ZNF578: variants seen among roughly 807,000 people sequenced by gnomAD.
ZNF578 encodes the protein zinc finger protein 578.
A neutral mutation model predicts 8.3 loss-of-function variants in ZNF578; 8 were observed. That is an observed-to-expected ratio of 0.96 (90% confidence interval 0.56 to 1.74). The LOEUF is 1.74. Ranked by LOEUF, ZNF578 falls within the 40% of genes most tolerant of loss-of-function variation. The pLI, the probability that ZNF578 is intolerant of heterozygous loss-of-function variation, is 0.00. For missense variants in ZNF578, 726 were observed against 707.5 expected, an observed-to-expected ratio of 1.03 and a Z score of -0.30; for synonymous variants, 206 against 232.2, an observed-to-expected ratio of 0.89 and a Z score of 1.03.
rs1167099446 is a variant in ZNF578 at position 52,515,139 on chromosome 19, A to G, written c.*2985A>G. Reference sequence around the variant, plus strand: ...CCACCACTCCCGGCTCATTTTTTGCATTTTTAGTAGAGACAGGGTTTCATC... The same window carrying G: ...CCACCACTCCCGGCTCATTTTTTGCGTTTTTAGTAGAGACAGGGTTTCATC... On this transcript the variant is annotated 3_prime_UTR_variant, in exon 6 of 6. Coordinates refer to ENST00000421239, the MANE Select transcript of ZNF578 (RefSeq NM_001099694.2). 1.3e-5 allele frequency among the ~76,000 whole-genome samples: 2 copies of G among 151,284 alleles called. No homozygotes were observed. Among genetic ancestry groups the G allele is most frequent in the East Asian group, 3.9e-4 (2 of 5,118 alleles).
chr19:52,491,203 C>G (rs1433252992), intron 2 of ZNF578, 121 bp from the exon 3 acceptor site: 3 of 153,536 alleles, frequency 2.0e-5, no homozygotes, highest in African/African-American at 7.4e-5. Context: ...TATTCCTAAA[C>G]TTTGAAGATC....
chr19:52,511,170 A>G lies in ZNF578; in HGVS notation c.789A>G (p.Ile263Met), dbSNP rs2059444148. The change falls in exon 6 of 6, where the codon ATA becomes ATG. Residue 263 changes from isoleucine to methionine, a missense_variant. Transcript: ENST00000421239. ...GAGAAAAACAATATAAATTTGATAT[A>G]TGTGGCAAAGTCTTTAATGAGAAGC... ...HLGEKQYKFD[I>M]CGKVFNEKRY... The G allele has an allele frequency of 1.2e-6, 2 of 1,614,132 alleles. No homozygotes were observed. Among genetic ancestry groups the G allele is most frequent in the African/African-American group, 2.7e-5 (2 of 74,958 alleles).
chr19:52,508,539 T>G (rs1280096736), intron 5 of ZNF578, among the ~76,000 whole-genome samples: 2 of 152,070 alleles, frequency 1.3e-5, no homozygotes, highest in Non-Finnish European at 2.9e-5. Flanking sequence ...GGCTCTCGCC[T>G]GTAATCCTAG....
At chr19:52,502,006 T>A in intron 4 of ZNF578, 98 bp downstream of exon 4, 1 of 1,507,608 alleles carries the variant, frequency 6.6e-7, no homozygotes, top group Non-Finnish European at 8.9e-7. Context: ...ACAGCCAGTC[T>A]TTTCTGAGTC....
chr19:52,496,394 A>G (rs548487319), intron 3 of ZNF578, among the ~76,000 whole-genome samples: 28 of 147,606 alleles, frequency 1.9e-4, no homozygotes, highest in African/African-American at 5.0e-4. Context: ...CAGTGGCGCA[A>G]TCTCGGCTCA....
chr19:52,506,627 G>A (rs781125), intron 5 of ZNF578, among the ~76,000 whole-genome samples: 31,163 of 151,850 alleles, frequency 0.21, 3,354 homozygotes, highest in Non-Finnish European at 0.23. Context: ...CACCATGCCC[G>A]GCTAATACTT....
In ZNF578 at chr19:52,514,495, G is replaced by A. The variant is rs561161998; in HGVS notation, c.*2341G>A. 8.1e-4 allele frequency among the ~76,000 whole-genome samples: 123 copies of A among 152,310 alleles called. No homozygotes were observed. Among genetic ancestry groups the A allele is most frequent in the African/African-American group, 2.9e-3 (120 of 41,568 alleles). On this transcript the variant is annotated 3_prime_UTR_variant, in exon 6 of 6. Transcript: ENST00000421239. Reference sequence around the variant, plus strand: ...CCTTTTAAATAAACATCAAAATGTAGTTTAAGCAGTTAGTCTGTTTTTCAG... The same window carrying A: ...CCTTTTAAATAAACATCAAAATGTAATTTAAGCAGTTAGTCTGTTTTTCAG...
intron 2 of ZNF578, among the ~76,000 whole-genome samples, chr19:52,468,965 GT>G (rs2059283626): frequency 6.6e-6 from 1 of 152,004 alleles, no homozygotes; most frequent in Admixed American, 6.6e-5. Flanking sequence ...TGGTTTTGAG[GT>G]TTTCAGACTT....
At chr19:52,468,732 T>G (rs1182279724) in intron 2 of ZNF578, among the ~76,000 whole-genome samples, 1 of 152,194 alleles carries the variant, frequency 6.6e-6, no homozygotes, top group Non-Finnish European at 1.5e-5. Flanking sequence ...TGGCTGCCAG[T>G]GTGGCTAGAA....
In ZNF578 at chr19:52,510,638, A is replaced by G; in HGVS notation, c.257A>G (p.His86Arg). 1 of 1,607,412 alleles carries G rather than the reference A, an allele frequency of 6.2e-7. No individual in the cohort carries two copies. Among genetic ancestry groups the G allele is most frequent in the Non-Finnish European group, 8.5e-7 (1 of 1,176,514 alleles). ...STGQGNTEVI[H>R]TGMLQRHESY... The stretch of plus-strand genomic sequence containing the variant: ...GGGCAAGGCAATACAGAAGTGATCC[A>G]CACAGGGATGTTGCAAAGACATGAA... The change falls in exon 6 of 6, where the codon CAC becomes CGC. Residue 86 changes from histidine to arginine, a missense_variant. By Grantham distance (29) the His-to-Arg change is conservative. Coordinates refer to ENST00000421239, the MANE Select transcript of ZNF578 (RefSeq NM_001099694.2).
chr19:52,485,974 AG>A, intron 2 of ZNF578, among the ~76,000 whole-genome samples: 1 of 152,230 alleles, frequency 6.6e-6, no homozygotes, highest in African/African-American at 2.4e-5. Flanking sequence ...TGTGCTGTGG[AG>A]GATTAGTGAA....
At chr19:52,487,492 G>A (rs1257480235) in intron 2 of ZNF578, among the ~76,000 whole-genome samples, 1 of 152,170 alleles carries the variant, frequency 6.6e-6, no homozygotes, top group Non-Finnish European at 1.5e-5. Context: ...CAGAGGTTAT[G>A]TTCCACTTGG....
intron 2 of ZNF578, among the ~76,000 whole-genome samples, chr19:52,489,689 T>C (rs1288537593): frequency 1.3e-5 from 2 of 151,858 alleles, no homozygotes; most frequent in African/African-American, 2.4e-5. Flanking sequence ...TTTTTCTCAC[T>C]GTGTTGCCCA....
At chr19:52,474,441 G>A in intron 2 of ZNF578, 1 of 263,056 alleles carries the variant, frequency 3.8e-6, no homozygotes. Context: ...TCAGTCTCGG[G>A]CTAAAAACTT....
In ZNF578 at chr19:52,512,479, C is replaced by T. The variant is rs2059453113; in HGVS notation, c.*325C>T. On this transcript the variant is annotated 3_prime_UTR_variant, in exon 6 of 6. Coordinates refer to ENST00000421239, the MANE Select transcript of ZNF578 (RefSeq NM_001099694.2). Reference sequence around the variant, plus strand: ...CAGACATCGTTCATACCTTGCAGTTCATCAGTGAACTCATACTGGAGAGAA... The same window carrying T: ...CAGACATCGTTCATACCTTGCAGTTTATCAGTGAACTCATACTGGAGAGAA... 20 of 1,262,974 alleles carry T rather than the reference C, an allele frequency of 1.6e-5. No individual in the cohort carries two copies. In the South Asian group the frequency reaches 2.3e-4, roughly 15 times the overall value. 78.2% of individuals were successfully genotyped at this position (1,262,974 alleles called of 1,614,324 possible). A position where few individuals can be genotyped will look rare whatever the true frequency, so the allele number is the denominator to read the frequency against.
intron 3 of ZNF578, among the ~76,000 whole-genome samples, chr19:52,493,989 C>CAA (rs10713664): frequency 0.012 from 1,742 of 144,510 alleles, 17 homozygotes; most frequent in African/African-American, 0.029. Flanking sequence ...AAACTCCGTC[C>CAA]AAAAAAAAAA....
chr19:52,487,190 A>T (rs1418544636), intron 2 of ZNF578, among the ~76,000 whole-genome samples: 1 of 151,980 alleles, frequency 6.6e-6, no homozygotes, highest in Non-Finnish European at 1.5e-5. Context: ...AATAATAATA[A>T]TAAGTAAATA....
At chr19:52,502,637 G>A (rs7254786) in intron 4 of ZNF578, among the ~76,000 whole-genome samples, 1 of 151,968 alleles carries the variant, frequency 6.6e-6, no homozygotes, top group East Asian at 1.9e-4. Context: ...CTTAGGAGAC[G>A]GAGGCAGGAG....
At chr19:52,498,329 GTTT>G (rs58765518) in intron 3 of ZNF578, among the ~76,000 whole-genome samples, 31,418 of 113,030 alleles carry the variant, frequency 0.28, 4,279 homozygotes, top group East Asian at 0.47. Context: ...GCTAATGTGT[GTTT>G]TTTTTTTTTT....
Sources: gnomAD v4.1 joint callset for allele counts (sites outside exome capture counted in the v4.1 genomes callset) on GRCh38, gnomAD v4.1.1 for gene constraint, MANE v1.5 for transcripts, NCBI Gene and HGNC (gene_info 2026-07-23, HGNC 2026-07-21) for gene names.